Variants in GBF1 observed in about 807,000 individuals in gnomAD.
GBF1 encodes Golgi-specific brefeldin A-resistance guanine nucleotide exchange factor 1.
A neutral mutation model predicts 210.5 loss-of-function variants in GBF1; 114 were observed. The observed-to-expected ratio is 0.54, with a 90% CI of 0.47 to 0.63. GBF1 has a LOEUF of 0.63. GBF1 is among the 30% of genes least tolerant of loss of function. GBF1 has a pLI of 0.00. For synonymous variants in GBF1, 850 were observed against 889.2 expected, an observed-to-expected ratio of 0.96 and a Z score of 0.78; for missense variants, 1,851 against 2,357.7, an observed-to-expected ratio of 0.79 and a Z score of 4.45.
intron 3 of GBF1, among the ~76,000 whole-genome samples, chr10:102,268,273 C>T (rs1485486353): frequency 6.6e-6 from 1 of 152,210 alleles, no homozygotes; most frequent in African/African-American, 2.4e-5. Context: ...CCCAGGCACA[C>T]TTAGCCATCA....
At chr10:102,249,356 A>G (rs1041215022) in intron 1 of GBF1, among the ~76,000 whole-genome samples, 1 of 152,158 alleles carries the variant, frequency 6.6e-6, no homozygotes, top group African/African-American at 2.4e-5. Flanking sequence ...GGCAGAAGGG[A>G]CAGCTTTGGA....
At chr10:102,367,044 A>G in intron 19 of GBF1, 41 bp from the exon 20 acceptor site, 1 of 1,610,464 alleles carries the variant, frequency 6.2e-7, no homozygotes, top group South Asian at 1.1e-5. Context: ...TTAATTGGCC[A>G]GAGAAGGGCA....
At chr10:102,256,508 TA>T (rs79637779) in intron 1 of GBF1, among the ~76,000 whole-genome samples, 24 of 147,292 alleles carry the variant, frequency 1.6e-4, no homozygotes, top group South Asian at 4.3e-4. Flanking sequence ...ATTCTCTTTG[TA>T]AAAAAAAAAA....
chr10:102,275,133 G>A (rs1288130025), intron 3 of GBF1, among the ~76,000 whole-genome samples: 1 of 152,044 alleles, frequency 6.6e-6, no homozygotes, highest in Non-Finnish European at 1.5e-5. Context: ...GGGATTACAG[G>A]CATGAGCCAC....
At chr10:102,262,522 A>C (rs1003047300) in intron 3 of GBF1, among the ~76,000 whole-genome samples, 5 of 152,214 alleles carry the variant, frequency 3.3e-5, no homozygotes, top group African/African-American at 1.2e-4. Context: ...TCTTATACAC[A>C]GTGAAGGATT....
intron 3 of GBF1, among the ~76,000 whole-genome samples, chr10:102,338,625 A>T (rs2057944762): frequency 6.6e-6 from 1 of 151,742 alleles, no homozygotes; most frequent in Non-Finnish European, 1.5e-5. Flanking sequence ...TAGTCCATTG[A>T]CTGAATTGTA....
chr10:102,382,390 C>G lies in GBF1; in HGVS notation c.*54C>G, dbSNP rs1262392284. 6.8e-7 allele frequency: 1 copy of G among 1,478,216 alleles called. No individual in the cohort carries two copies. The highest frequency in any genetic ancestry group is 1.4e-5 in the African/African-American group (1 of 71,808). The allele number at this position is 1,478,216 out of a possible 1,614,324, so 91.6% of individuals were successfully genotyped here. A position where few individuals can be genotyped will look rare whatever the true frequency, so the allele number is the denominator to read the frequency against. On this transcript the variant is annotated 3_prime_UTR_variant, in exon 40 of 40. Transcript: ENST00000369983. ...GCTTCCCACCAGGCTTTCCTTGACCCCACTTCTGGCTGTCCTGCGGGCCAC... is the reference window on the plus strand; with the variant it reads ...GCTTCCCACCAGGCTTTCCTTGACCGCACTTCTGGCTGTCCTGCGGGCCAC...
intron 3 of GBF1, among the ~76,000 whole-genome samples, chr10:102,315,457 C>T (rs1177141734): frequency 6.6e-6 from 1 of 152,162 alleles, no homozygotes; most frequent in Non-Finnish European, 1.5e-5. Flanking sequence ...CATCGGTTCC[C>T]CAACCTTTTC....
intron 3 of GBF1, among the ~76,000 whole-genome samples, chr10:102,309,818 T>A (rs1032225861): frequency 6.6e-6 from 1 of 152,232 alleles, no homozygotes; most frequent in Non-Finnish European, 1.5e-5. Flanking sequence ...CCATTCTAGA[T>A]CTGTTGGCAT....
chr10:102,297,479 A>G (rs950472661), intron 3 of GBF1, among the ~76,000 whole-genome samples: 3 of 152,260 alleles, frequency 2.0e-5, no homozygotes, highest in Non-Finnish European at 4.4e-5. Context: ...TTTCTGTACT[A>G]GCAAAGATTC....
chr10:102,368,700 C>G (rs767176397), intron 22 of GBF1, 39 bp from the exon 23 acceptor site: 5 of 1,447,456 alleles, frequency 3.5e-6, no homozygotes. Context: ...GCTTGGCCTT[C>G]CAGTGACTCT....
intron 3 of GBF1, among the ~76,000 whole-genome samples, chr10:102,312,363 C>G (rs892764143): frequency 1.3e-5 from 2 of 151,640 alleles, no homozygotes; most frequent in Non-Finnish European, 2.9e-5. Context: ...GGTTGAGGAA[C>G]AATCCACTTA....
chr10:102,336,067 C>T (rs897282372), intron 3 of GBF1, among the ~76,000 whole-genome samples: 20 of 151,812 alleles, frequency 1.3e-4, no homozygotes, highest in South Asian at 6.3e-4. Flanking sequence ...TTTGGGAGGC[C>T]GAGGCAGGCA....
intron 3 of GBF1, among the ~76,000 whole-genome samples, chr10:102,300,001 T>C (rs1418147890): frequency 6.6e-6 from 1 of 152,174 alleles, no homozygotes; most frequent in Non-Finnish European, 1.5e-5. Flanking sequence ...GGTCAGTAAA[T>C]GTGAGAAAAA....
chr10:102,231,836 C>T, the GBF1 span: 1 of 1,591,882 alleles, frequency 6.3e-7, no homozygotes, highest in Non-Finnish European at 8.5e-7. Context: ...CAAGCCAGCG[C>T]ATATTCTCCG....
In GBF1 at chr10:102,369,738, A is replaced by G; in HGVS notation, c.3178A>G (p.Lys1060Glu). Reference sequence around the variant, plus strand: ...AGAAGATTTCGTGGATCCCAATGGCAAGATCTCTCTACAGCGGGAAGAGAC... The same window carrying G: ...AGAAGATTTCGTGGATCCCAATGGCGAGATCTCTCTACAGCGGGAAGAGAC... ...EVEDFVDPNG[K>E]ISLQREETPS... Residue 1060 changes from lysine (K) to glutamate (E), a missense_variant, in exon 25 of 40, where the codon AAG (lysine) becomes GAG (glutamate). Physicochemically the swap from Lys to Glu is moderately conservative, Grantham distance 56 (BLOSUM62 1). Around this residue, in one of 3 missense-constraint regions of GBF1, gnomAD observed 967 missense variants for 1,247.7 expected, o/e 0.78. Transcript: ENST00000369983. The G allele has an allele frequency of 6.2e-7, 1 of 1,614,204 alleles. No individual in the cohort carries two copies. The highest frequency in any genetic ancestry group is 2.2e-5 in the East Asian group (1 of 44,888).
chr10:102,250,225 T>G (rs1185510931), intron 1 of GBF1, among the ~76,000 whole-genome samples: 1 of 152,090 alleles, frequency 6.6e-6, no homozygotes, highest in Non-Finnish European at 1.5e-5. Flanking sequence ...ACAGAGTCTC[T>G]CTCTGCCACC....
At chr10:102,234,063 C>T in the GBF1 span, among the ~76,000 whole-genome samples, 2 of 152,204 alleles carry the variant, frequency 1.3e-5, no homozygotes, top group South Asian at 2.1e-4. Flanking sequence ...GCCTCTCTCA[C>T]CCCTTCCCCA....
chr10:102,333,742 G>T (rs2057512566), intron 3 of GBF1, among the ~76,000 whole-genome samples: 1 of 152,058 alleles, frequency 6.6e-6, no homozygotes, highest in South Asian at 2.1e-4. Flanking sequence ...CACTACTCTT[G>T]ATGTCCTCTA....
Sources: allele counts gnomAD v4.1 joint callset (sites outside exome capture counted in the v4.1 genomes callset), GRCh38; gene constraint gnomAD v4.1.1; regional missense constraint gnomAD v4.1.1; transcripts MANE v1.5; gene names NCBI Gene and HGNC (gene_info 2026-07-23, HGNC 2026-07-21).